Variants in ZBTB34 observed in about 807,000 individuals in gnomAD.
The protein encoded by ZBTB34 is zinc finger and BTB domain-containing protein 34.
ZBTB34 carries 1 observed loss-of-function variant against 33.4 expected under a neutral mutation model. The ratio of observed to expected loss-of-function variants is 0.03; its 90% CI spans 0.01 to 0.14. The LOEUF is 0.14. ZBTB34 is among the 10% of genes least tolerant of loss of function. ZBTB34 has a pLI of 1.00. For missense variants in ZBTB34, 406 were observed against 657.2 expected (o/e 0.62, Z 4.18); for synonymous variants, 283 against 253.5 (o/e 1.12, Z -1.11).
chr9:126,881,003 C>A, exon 2 of ZBTB34: 1 of 1,389,184 alleles, frequency 7.2e-7, no homozygotes, highest in Non-Finnish European at 9.7e-7. Context: ...TCCCAACCAT[C>A]TGGAAATCTC....
rs553752770 is a variant in ZBTB34 at position 126,868,701 on chromosome 9, C to T, written c.-11+7962C>T. ...CAGTTTGCTGTTGCTTTCAGGGCGC[C>T]GGTCTCAATGCTGCTTTGAATTCTG... On this transcript the variant is annotated intron_variant, in intron 1 of 1. Transcript: ENST00000319119. Among the ~76,000 whole-genome samples the T allele has an allele frequency of 2.5e-3, 383 of 152,258 alleles. 1 individual carries two copies. Among genetic ancestry groups the T allele is most frequent in the Non-Finnish European group, 4.1e-3 (282 of 68,024 alleles).
At chr9:126,881,945 G>A (rs1434271267) in exon 2 of ZBTB34, 1 of 166,816 alleles carries the variant, frequency 6.0e-6, no homozygotes, top group Non-Finnish European at 1.5e-5. Context: ...TCCAAGCAGT[G>A]TTGTGGTTTT....
chr9:126,880,298 C>T lies in ZBTB34; in HGVS notation c.899C>T (p.Ser300Leu), dbSNP rs1017326256. The T allele has an allele frequency of 6.2e-7, 1 of 1,613,860 alleles. No homozygotes were observed. Among genetic ancestry groups the T allele is most frequent in the Non-Finnish European group, 8.5e-7 (1 of 1,179,916 alleles). Reference sequence around the variant, plus strand: ...GCAGCCTCACAGCCAACCAATGTATCAGAAGCTTTTGGAAGTTTGAGTAAT... The same window carrying T: ...GCAGCCTCACAGCCAACCAATGTATTAGAAGCTTTTGGAAGTTTGAGTAAT... Residue 300 changes from serine to leucine, a missense_variant, in exon 2 of 2, where the codon TCA becomes TTA. Coordinates refer to ENST00000319119, the Ensembl canonical transcript of ZBTB34. This position sits in a 1 kb window ranked among gnomAD's most constrained non-coding sequence, Gnocchi z 6.7.
intron 1 of ZBTB34, among the ~76,000 whole-genome samples, chr9:126,862,077 T>G (rs2033149665): frequency 6.6e-6 from 1 of 152,062 alleles, no homozygotes; most frequent in Admixed American, 6.5e-5. Flanking sequence ...TGCTGTAGAA[T>G]TAAGAAGGAG....
At chr9:126,864,020 G>A (rs146461114) in intron 1 of ZBTB34, among the ~76,000 whole-genome samples, 161 of 152,288 alleles carry the variant, frequency 1.1e-3, no homozygotes, top group African/African-American at 3.8e-3. Context: ...GTCAGACCCA[G>A]CCTGACTTTG....
At chr9:126,885,610 C>T (rs1252156318) in exon 2 of ZBTB34, 1 of 167,062 alleles carries the variant, frequency 6.0e-6, no homozygotes, top group East Asian at 1.9e-4. Flanking sequence ...CACTTCATCA[C>T]CATATGAAGT....
Position 126,880,909 on chromosome 9 carries a change from G to T in ZBTB34, c.1510G>T (p.Asp504Tyr). The T allele has an allele frequency of 1.2e-6, 2 of 1,605,066 alleles. No homozygotes were observed. The highest frequency in any genetic ancestry group is 2.2e-5 in the South Asian group (2 of 90,774). Reference sequence around the variant, plus strand: ...AATTCACACAGTGTCTGATGCTCCCGATTAAGATGGTAAAGAAGTGCACCC... The same window carrying T: ...AATTCACACAGTGTCTGATGCTCCCTATTAAGATGGTAAAGAAGTGCACCC... The change falls in exon 2 of 2, where the codon GAT becomes TAT. Residue 504 changes from aspartate to tyrosine, a missense_variant. Asp to Tyr is a radical substitution (Grantham distance 160). Transcript: ENST00000319119. This position sits in a 1 kb window ranked among gnomAD's most constrained non-coding sequence, Gnocchi z 6.7.
Position 126,879,949 on chromosome 9 carries a change from C to T in ZBTB34, c.550C>T (p.Leu184Phe). 6.2e-7 allele frequency: 1 copy of T among 1,613,314 alleles called. No individual in the cohort carries two copies. The highest frequency in any genetic ancestry group is 1.1e-5 in the South Asian group (1 of 91,082). The stretch of plus-strand genomic sequence containing the variant: ...ACGGCAGCCCACCGCAAGCAGTGAC[C>T]TCCGGATGGAGACGACCCCCAGCAA... The change falls in exon 2 of 2, where the codon CTC becomes TTC. Residue 184 changes from leucine (L) to phenylalanine (F), a missense_variant. This residue lies in a region of ZBTB34 where 137 missense variants were observed against 173.0 expected (regional missense o/e 0.79). Coordinates refer to ENST00000319119, the Ensembl canonical transcript of ZBTB34. The surrounding 1 kb of genome is among the most constrained non-coding windows in gnomAD (Gnocchi z 6.4).
intron 1 of ZBTB34, chr9:126,863,797 T>C (rs527282288): frequency 1.3e-6 from 1 of 759,374 alleles, no homozygotes; most frequent in South Asian, 5.9e-5. Context: ...TAGCCAGCAG[T>C]AAGCAGATAA....
intron 1 of ZBTB34, among the ~76,000 whole-genome samples, 163 bp downstream of exon 1, chr9:126,860,902 C>A (rs1208341644): frequency 6.7e-6 from 1 of 148,948 alleles, no homozygotes; most frequent in Admixed American, 6.7e-5. Flanking sequence ...AGGCGGCCGG[C>A]GCGGGCGGGA....
rs1054161542 is a variant in ZBTB34, at chr9:126,880,278, C to G, written c.879C>G (p.Ala293=). 4 of 1,613,990 alleles carry G rather than the reference C, an allele frequency of 2.5e-6. No homozygotes were observed. The East Asian group carries it at 8.9e-5, about 36-fold the overall frequency. Reference sequence around the variant, plus strand: ...ACGCATACTCCTATTCCCAAGCAGCCTCACAGCCAACCAATGTATCAGAAG... The same window carrying G: ...ACGCATACTCCTATTCCCAAGCAGCGTCACAGCCAACCAATGTATCAGAAG... Residue 293 remains alanine, a synonymous_variant, in exon 2 of 2, where the codon GCC becomes GCG. Coordinates refer to ENST00000319119, the Ensembl canonical transcript of ZBTB34. The surrounding 1 kb of genome is among the most constrained non-coding windows in gnomAD (Gnocchi z 6.7).
chr9:126,865,387 G>C (rs992370537), intron 1 of ZBTB34, among the ~76,000 whole-genome samples: 1 of 152,256 alleles, frequency 6.6e-6, no homozygotes, highest in Non-Finnish European at 1.5e-5. Flanking sequence ...ACCGCCAGGA[G>C]TGGAAGCTCA....
chr9:126,881,053 C>A, exon 2 of ZBTB34: 1 of 987,988 alleles, frequency 1.0e-6, no homozygotes, highest in Non-Finnish European at 1.5e-6. Context: ...CTGGATGGAA[C>A]ACTTCGTTGT....
intron 1 of ZBTB34, among the ~76,000 whole-genome samples, chr9:126,873,026 T>C (rs2033301348): frequency 6.6e-6 from 1 of 152,196 alleles, no homozygotes; most frequent in Admixed American, 6.5e-5. Context: ...TACATTCTAT[T>C]TCAGAAATGC....
At chr9:126,878,918 T>C (rs992555758) in intron 1 of ZBTB34, among the ~76,000 whole-genome samples, 10 of 151,950 alleles carry the variant, frequency 6.6e-5, no homozygotes, top group Non-Finnish European at 1.0e-4. Flanking sequence ...CAGATGGGGT[T>C]TTACCATGTT....
chr9:126,865,625 A>G (rs1184003705), intron 1 of ZBTB34, among the ~76,000 whole-genome samples: 1 of 152,160 alleles, frequency 6.6e-6, no homozygotes, highest in Non-Finnish European at 1.5e-5. Context: ...GGATGTCATT[A>G]GTTTTCCATT....
At chr9:126,874,516 A>AT (rs1754361556) in intron 1 of ZBTB34, among the ~76,000 whole-genome samples, 1 of 152,130 alleles carries the variant, frequency 6.6e-6, no homozygotes, top group Non-Finnish European at 1.5e-5. Context: ...TCTAGAGGTT[A>AT]TTTTGGGGTA....
chr9:126,880,501 C>G lies in ZBTB34; in HGVS notation c.1102C>G (p.His368Asp), dbSNP rs1252428376. The stretch of plus-strand genomic sequence containing the variant: ...TCCCCGGGAGAGGAGTGCGAGAGGG[C>G]ATTGGTACCCGTACAATGAGAGGTT... The change falls in exon 2 of 2, where the codon CAT becomes GAT. Residue 368 changes from histidine (H) to aspartate (D), a missense_variant. Physicochemically the swap from His to Asp is moderately conservative, Grantham distance 81. Coordinates refer to ENST00000319119, the Ensembl canonical transcript of ZBTB34. This position sits in a 1 kb window ranked among gnomAD's most constrained non-coding sequence, Gnocchi z 6.7. 1 of 1,613,818 alleles carries G rather than the reference C, an allele frequency of 6.2e-7. No individual in the cohort carries two copies.
intron 1 of ZBTB34, among the ~76,000 whole-genome samples, chr9:126,869,729 A>G (rs1434502024): frequency 6.6e-6 from 1 of 152,230 alleles, no homozygotes; most frequent in Non-Finnish European, 1.5e-5. Context: ...GCTATTCCAC[A>G]GGTGTGAAAT....
Sources: gnomAD v4.1 joint callset for allele counts (sites outside exome capture counted in the v4.1 genomes callset) on GRCh38, gnomAD v4.1.1 for gene constraint, gnomAD v4.1.1 regional missense constraint, Gnocchi (gnomAD v3.1) non-coding constraint, MANE v1.5 for transcripts, NCBI Gene and HGNC (gene_info 2026-07-23, HGNC 2026-07-21) for gene names.